Variants in COL26A1 observed in about 807,000 individuals in gnomAD.
COL26A1 encodes collagen alpha-1(XXVI) chain.
Under a neutral mutation model 59.3 loss-of-function variants are expected in COL26A1, and 41 were observed. That is an observed-to-expected ratio of 0.69 (90% CI 0.54 to 0.90). COL26A1 has a LOEUF of 0.90. COL26A1 is among the 40% of genes least tolerant of loss of function. COL26A1 has a pLI of 0.00. For missense variants in COL26A1, 612 were observed against 602.3 expected (o/e 1.02, Z -0.17); for synonymous variants, 266 against 256.0 (o/e 1.04, Z -0.37).
chr7:101,412,099 G>T (rs1011720514), intron 1 of COL26A1, among the ~76,000 whole-genome samples: 11 of 152,236 alleles, frequency 7.2e-5, no homozygotes, highest in African/African-American at 2.6e-4. Flanking sequence ...GGTAGAGGTG[G>T]TGAGGTAGGA....
chr7:101,466,357 G>A (rs2130445645), intron 3 of COL26A1, among the ~76,000 whole-genome samples: 1 of 152,170 alleles, frequency 6.6e-6, no homozygotes, highest in South Asian at 2.1e-4. Flanking sequence ...AATGGCCCTT[G>A]TTACTGTCAT....
At chr7:101,522,821 TAAA>T (rs34459389) in intron 3 of COL26A1, among the ~76,000 whole-genome samples, 6 of 144,694 alleles carry the variant, frequency 4.1e-5, no homozygotes, top group South Asian at 2.2e-4. Context: ...AATACTTGGT[TAAA>T]AAAAAAAAAA....
intron 3 of COL26A1, among the ~76,000 whole-genome samples, chr7:101,478,777 C>A (rs891810821): frequency 6.6e-6 from 1 of 152,132 alleles, no homozygotes; most frequent in Non-Finnish European, 1.5e-5. Flanking sequence ...CATTCCTAGA[C>A]AAATTTCTCT....
At chr7:101,541,478 G>C (rs1450731492) in intron 5 of COL26A1, among the ~76,000 whole-genome samples, 1 of 151,450 alleles carries the variant, frequency 6.6e-6, no homozygotes, top group Admixed American at 6.6e-5. Context: ...CCAAGTAGTT[G>C]GGACTACGAG....
intron 4 of COL26A1, among the ~76,000 whole-genome samples, chr7:101,537,438 C>T (rs977619511): frequency 4.6e-5 from 7 of 152,232 alleles, no homozygotes; most frequent in African/African-American, 1.2e-4. Context: ...CCACTGCCCC[C>T]GAAGGCCGTG....
chr7:101,375,124 C>T (rs1269554160), intron 1 of COL26A1, among the ~76,000 whole-genome samples: 2 of 151,898 alleles, frequency 1.3e-5, no homozygotes, highest in Non-Finnish European at 2.9e-5. Flanking sequence ...GGATCTGGAA[C>T]CAGGCTGCCT....
At chr7:101,397,029 G>A (rs1018228020) in intron 1 of COL26A1, among the ~76,000 whole-genome samples, 1 of 152,204 alleles carries the variant, frequency 6.6e-6, no homozygotes, top group African/African-American at 2.4e-5. Flanking sequence ...TCCAAAGCAT[G>A]GGATGGAGAG....
In COL26A1 at chr7:101,534,475, T is replaced by G. The variant is rs537326001; in HGVS notation, c.447+1332T>G. Among the ~76,000 whole-genome samples, 3 of 152,138 alleles carry G rather than the reference T, an allele frequency of 2.0e-5. No homozygotes were observed. The East Asian group carries it at 5.8e-4, about 29-fold the overall frequency. On this transcript the variant is annotated intron_variant, in intron 4 of 12. Coordinates refer to ENST00000313669, the MANE Select transcript of COL26A1 (RefSeq NM_001278563.3). ...CTGTGCACACACATCTGTGTGCATG[T>G]GGAGACACACATACATATATACACA... is the stretch of plus-strand genomic sequence containing the variant.
intron 3 of COL26A1, among the ~76,000 whole-genome samples, chr7:101,462,160 C>A (rs4518587): frequency 6.6e-6 from 1 of 151,240 alleles, no homozygotes; most frequent in African/African-American, 2.4e-5. Flanking sequence ...CCTCCACGCC[C>A]GGCTAATTTT....
chr7:101,426,914 G>C (rs1213032616), intron 2 of COL26A1, among the ~76,000 whole-genome samples: 1 of 152,202 alleles, frequency 6.6e-6, no homozygotes, highest in African/African-American at 2.4e-5. Flanking sequence ...GCAAACCCCA[G>C]CTGGGCCCTG....
At chr7:101,479,118 A>G (rs528785186) in intron 3 of COL26A1, among the ~76,000 whole-genome samples, 1 of 152,332 alleles carries the variant, frequency 6.6e-6, no homozygotes, top group South Asian at 2.1e-4. Context: ...GACAGAAAAT[A>G]CTTACAGTTA....
chr7:101,385,681 G>GA (rs949345897), intron 1 of COL26A1, among the ~76,000 whole-genome samples: 12 of 147,796 alleles, frequency 8.1e-5, no homozygotes, highest in African/African-American at 2.7e-4. Flanking sequence ...CCATACAATT[G>GA]AAAAAAATTT....
rs1792481066 is a variant in COL26A1, at chr7:101,420,261, T to G, written c.281+162T>G. ...TATATAAGGCATGGGTGTGTGTATA[T>G]AGGGTATATATGTGTGTGTGCAAAG... On this transcript the variant is annotated intron_variant, in intron 2 of 12. Transcript: ENST00000313669. 2.0e-5 allele frequency among the ~76,000 whole-genome samples: 3 copies of G among 152,164 alleles called. No homozygotes were observed. In the South Asian group the frequency reaches 6.2e-4, roughly 32 times the overall value.
intron 3 of COL26A1, among the ~76,000 whole-genome samples, chr7:101,518,929 A>C (rs1189720092): frequency 6.6e-6 from 1 of 152,100 alleles, no homozygotes; most frequent in Non-Finnish European, 1.5e-5. Flanking sequence ...TCCCCAACGG[A>C]GGGCCAAGAA....
At chr7:101,533,424 G>A (rs1214166454) in intron 4 of COL26A1, among the ~76,000 whole-genome samples, 1 of 152,112 alleles carries the variant, frequency 6.6e-6, no homozygotes, top group East Asian at 1.9e-4. Context: ...ACACCCAGAA[G>A]ACAGTGGAAA....
At chr7:101,412,220 C>G (rs10243385) in intron 1 of COL26A1, among the ~76,000 whole-genome samples, 15,664 of 152,114 alleles carry the variant, frequency 0.1, 1,207 homozygotes, top group African/African-American at 0.22. Flanking sequence ...CCCACCAGTG[C>G]GCCATGTCAG....
intron 1 of COL26A1, among the ~76,000 whole-genome samples, chr7:101,393,800 G>A (rs1295502597): frequency 1.3e-5 from 2 of 151,854 alleles, no homozygotes; most frequent in South Asian, 2.1e-4. Context: ...AGGCTGGAGT[G>A]CAGTGGTGTG....
chr7:101,465,691 C>CAAAAAAAAAAA (rs539721605), intron 3 of COL26A1, among the ~76,000 whole-genome samples: 7 of 102,546 alleles, frequency 6.8e-5, no homozygotes, highest in Non-Finnish European at 9.8e-5. Context: ...GAAACTGTCT[C>CAAAAAAAAAAA]AAAAAAAAAA....
intron 3 of COL26A1, among the ~76,000 whole-genome samples, chr7:101,473,686 A>C (rs1793964912): frequency 1.3e-5 from 2 of 149,740 alleles, no homozygotes. Context: ...AAACAAAAAC[A>C]AAACAAAACA....
Sources: allele counts gnomAD v4.1 joint callset (sites outside exome capture counted in the v4.1 genomes callset), GRCh38; gene constraint gnomAD v4.1.1; transcripts MANE v1.5; gene names NCBI Gene and HGNC (gene_info 2026-07-23, HGNC 2026-07-21).